Variants in MAPKAP1 observed in about 807,000 individuals in gnomAD.
The protein encoded by MAPKAP1 is MAPK associated protein 1, also known as target of rapamycin complex 2 subunit MAPKAP1.
In MAPKAP1, 20 loss-of-function variants were observed where a neutral mutation model predicts 65.7. The ratio of observed to expected loss-of-function variants is 0.30; its 90% CI spans 0.21 to 0.44. MAPKAP1 has a LOEUF of 0.44. MAPKAP1 is among the 20% of genes least tolerant of loss of function. The pLI is 1.00. For missense variants in MAPKAP1, 423 were observed against 648.0 expected (o/e 0.65, Z 3.77); for synonymous variants, 222 against 244.3 (o/e 0.91, Z 0.85).
chr9:125,638,056 G>A (rs1419704993), intron 4 of MAPKAP1, among the ~76,000 whole-genome samples: 1 of 152,148 alleles, frequency 6.6e-6, no homozygotes, highest in Admixed American at 6.5e-5. Context: ...ACAGGTCTGA[G>A]CCCCCACGCC....
chr9:125,639,056 T>C (rs1437804160), intron 4 of MAPKAP1, among the ~76,000 whole-genome samples: 1 of 152,124 alleles, frequency 6.6e-6, no homozygotes, highest in Admixed American at 6.5e-5. Flanking sequence ...CTGGCCAATA[T>C]GGTGAAACCT....
intron 4 of MAPKAP1, among the ~76,000 whole-genome samples, chr9:125,631,946 G>A (rs561844665): frequency 1.2e-4 from 18 of 152,148 alleles, no homozygotes; most frequent in East Asian, 9.7e-4. Context: ...TAGGCCAGGC[G>A]TGGTGGCTCA....
intron 10 of MAPKAP1, among the ~76,000 whole-genome samples, chr9:125,462,505 C>A (rs751085135): frequency 2.0e-4 from 30 of 152,204 alleles, no homozygotes; most frequent in Admixed American, 1.4e-3. Flanking sequence ...TGAACTGGGG[C>A]TAAGGTGGGA....
At chr9:125,453,140 C>T (rs1288376772) in intron 10 of MAPKAP1, among the ~76,000 whole-genome samples, 2 of 152,214 alleles carry the variant, frequency 1.3e-5, no homozygotes, top group African/African-American at 4.8e-5. Context: ...TCACTGCAAC[C>T]TCCACCTCCT....
chr9:125,588,942 GTGTGCC>G (rs1244957159), intron 4 of MAPKAP1, among the ~76,000 whole-genome samples: 1 of 152,160 alleles, frequency 6.6e-6, no homozygotes, highest in Non-Finnish European at 1.5e-5. Context: ...ATACCAGCAC[GTGTGCC>G]TGTGTGTACC....
At chr9:125,491,842 CTG>C (rs1854745661) in intron 8 of MAPKAP1, among the ~76,000 whole-genome samples, 1 of 151,686 alleles carries the variant, frequency 6.6e-6, no homozygotes, top group Non-Finnish European at 1.5e-5. Flanking sequence ...AATGAAATTA[CTG>C]TTTTTCAATA....
intron 9 of MAPKAP1, among the ~76,000 whole-genome samples, chr9:125,475,141 G>A (rs578041686): frequency 3.9e-5 from 6 of 152,284 alleles, no homozygotes; most frequent in African/African-American, 1.4e-4. Flanking sequence ...TGAGGCTCAG[G>A]GCTGGGACAT....
At chr9:125,654,356 C>A (rs1174097446) in intron 4 of MAPKAP1, among the ~76,000 whole-genome samples, 1 of 152,180 alleles carries the variant, frequency 6.6e-6, no homozygotes, top group African/African-American at 2.4e-5. Context: ...ATGGCTGAGG[C>A]TGGTTTTGCG....
At position 125,574,983 on chromosome 9, in the gene MAPKAP1, C is replaced by G. The variant is rs544848304; in HGVS notation, c.671+10572G>C. ...TAGCTGTGAATCTCACACTTTCAGCCACTATGTTATATTCTGATTAAGAAA... is the reference window on the plus strand; with the variant it reads ...TAGCTGTGAATCTCACACTTTCAGCGACTATGTTATATTCTGATTAAGAAA... On this transcript the variant is annotated intron_variant, in intron 5 of 11. Transcript: ENST00000265960. Among the ~76,000 whole-genome samples, 6 of 152,272 alleles carry G rather than the reference C, an allele frequency of 3.9e-5. No homozygotes were observed. In the South Asian group the frequency reaches 1.2e-3, roughly 32 times the overall value.
chr9:125,535,630 A>AG (rs1260198201), intron 7 of MAPKAP1, among the ~76,000 whole-genome samples: 1 of 152,178 alleles, frequency 6.6e-6, no homozygotes, highest in Non-Finnish European at 1.5e-5. Flanking sequence ...AGGCTTAGAG[A>AG]GGTTAAGTAC....
chr9:125,705,774 A>G (rs1466919472), intron 1 of MAPKAP1, among the ~76,000 whole-genome samples: 1 of 152,218 alleles, frequency 6.6e-6, no homozygotes, highest in African/African-American at 2.4e-5. Flanking sequence ...AAGCGTCTCA[A>G]TAGACTGAAA....
At chr9:125,571,628 A>G (rs563379) in intron 5 of MAPKAP1, among the ~76,000 whole-genome samples, 136,427 of 152,068 alleles carry the variant, frequency 0.9, 61,993 homozygotes, top group East Asian at 1. Context: ...AGGCCGAGGC[A>G]GGTGGATCAC....
chr9:125,706,411 T>C (rs1835760519), intron 1 of MAPKAP1, among the ~76,000 whole-genome samples: 1 of 152,036 alleles, frequency 6.6e-6, no homozygotes, highest in African/African-American at 2.4e-5. Flanking sequence ...TTAACCAATT[T>C]CTGAGTCAAT....
intron 10 of MAPKAP1, among the ~76,000 whole-genome samples, chr9:125,459,515 C>T (rs1278923849): frequency 2.0e-5 from 3 of 152,228 alleles, no homozygotes; most frequent in South Asian, 4.1e-4. Flanking sequence ...TGCACTCCAG[C>T]CTGGGCACCA....
chr9:125,603,979 G>A (rs1456058381), intron 4 of MAPKAP1, among the ~76,000 whole-genome samples: 1 of 152,054 alleles, frequency 6.6e-6, no homozygotes, highest in Non-Finnish European at 1.5e-5. Flanking sequence ...CAACAAGAAA[G>A]AAATATAATG....
At chr9:125,528,484 G>A (rs549851949) in intron 7 of MAPKAP1, among the ~76,000 whole-genome samples, 1 of 152,214 alleles carries the variant, frequency 6.6e-6, no homozygotes, top group Non-Finnish European at 1.5e-5. Context: ...CCTGAGCCTG[G>A]GAGCCAGAGA....
chr9:125,511,437 G>A (rs1176568646), intron 7 of MAPKAP1, among the ~76,000 whole-genome samples: 1 of 152,166 alleles, frequency 6.6e-6, no homozygotes, highest in Non-Finnish European at 1.5e-5. Context: ...GTAGAAGTGA[G>A]AGAATTCATA....
chr9:125,618,577 G>A (rs1260356654), intron 4 of MAPKAP1, among the ~76,000 whole-genome samples: 1 of 152,050 alleles, frequency 6.6e-6, no homozygotes, highest in East Asian at 1.9e-4. Flanking sequence ...ATGGTGTATT[G>A]TAAAGCACTA....
At chr9:125,482,345 T>C (rs558157656) in intron 9 of MAPKAP1, among the ~76,000 whole-genome samples, 121 of 152,264 alleles carry the variant, frequency 7.9e-4, no homozygotes, top group African/African-American at 2.9e-3. Context: ...CTTTACTTCT[T>C]ACATAAGATT....
Sources: gnomAD v4.1 joint callset for allele counts (sites outside exome capture counted in the v4.1 genomes callset) on GRCh38, gnomAD v4.1.1 for gene constraint, MANE v1.5 for transcripts, NCBI Gene and HGNC (gene_info 2026-07-23, HGNC 2026-07-21) for gene names.